A2ML1: variants seen among roughly 807,000 people sequenced by gnomAD.
The protein encoded by A2ML1 is alpha-2-macroglobulin-like protein 1.
Under a neutral mutation model 181.9 loss-of-function variants are expected in A2ML1, and 161 were observed. That is an observed-to-expected ratio of 0.89 (90% CI 0.78 to 1.01). The LOEUF (loss-of-function observed/expected upper bound fraction) is 1.01. Among genes scored for constraint, A2ML1 ranks in the 50% least tolerant of loss-of-function variants. The pLI is 0.00. For missense variants in A2ML1, 1,670 were observed against 1,768.1 expected, an observed-to-expected ratio of 0.94 and a Z score of 1.00; for synonymous variants, 663 against 666.8, an observed-to-expected ratio of 0.99 and a Z score of 0.09.
Position 8,863,826 on chromosome 12 carries a change from C to T in A2ML1, c.3535C>T (p.Pro1179Ser), listed in dbSNP as rs770473638. 6.2e-7 allele frequency: 1 copy of T among 1,614,228 alleles called. No homozygotes were observed. Among genetic ancestry groups the T allele is most frequent in the South Asian group, 1.1e-5 (1 of 91,078 alleles). Reference protein sequence around the residue: ...ESIYWSQKPTPSSNASPWSEP... With the variant: ...ESIYWSQKPTSSSNASPWSEP... The stretch of plus-strand genomic sequence containing the variant: ...CATTTACTGGAGCCAGAAACCTACT[C>T]CATCATCGAACGCCAGCCCTTGGTC... Residue 1179 changes from proline (P) to serine (S), a missense_variant, in exon 29 of 36, where the codon CCA becomes TCA. Pro to Ser is a moderately conservative substitution (Grantham distance 74). Transcript: ENST00000299698.
At chr12:8,827,532 C>T (rs893025302) in intron 3 of A2ML1, among the ~76,000 whole-genome samples, 1 of 151,922 alleles carries the variant, frequency 6.6e-6, no homozygotes, top group Non-Finnish European at 1.5e-5. Flanking sequence ...TGTTGAGTTT[C>T]CTCAAAACAG....
Position 8,852,065 on chromosome 12 carries a change from C to A in A2ML1, c.2463+53C>A. On this transcript the variant is annotated intron_variant, in intron 19 of 35. Coordinates refer to ENST00000299698, the MANE Select transcript of A2ML1 (RefSeq NM_144670.6). The surrounding 1 kb of genome is among the most constrained non-coding windows in gnomAD (Gnocchi z 4.2). The stretch of plus-strand genomic sequence containing the variant: ...TGTCAGCCCTGGAATCACACCTCCC[C>A]CATAAGTTTGTCTCTAAATTGGAAG... The A allele has an allele frequency of 6.3e-7, 1 of 1,594,596 alleles. No homozygotes were observed. Among genetic ancestry groups the A allele is most frequent in the Non-Finnish European group, 8.6e-7 (1 of 1,164,652 alleles).
intron 7 of A2ML1, 51 bp from the exon 8 acceptor site, chr12:8,837,389 G>T: frequency 6.2e-7 from 1 of 1,605,082 alleles, no homozygotes; most frequent in Non-Finnish European, 8.5e-7. Context: ...GGAAGAGTTG[G>T]ATCTCAAGTG....
rs753901578 is a variant in A2ML1 at position 8,823,917 on chromosome 12, T to C, written c.409+35T>C. The C allele has an allele frequency of 3.1e-6, 5 of 1,589,622 alleles. No homozygotes were observed. The Admixed American group carries it at 7.0e-5, about 22-fold the overall frequency. On this transcript the variant is annotated intron_variant, in intron 3 of 35. Coordinates refer to ENST00000299698, the MANE Select transcript of A2ML1 (RefSeq NM_144670.6). Reference sequence around the variant, plus strand: ...ACATATTTGGGGTTCGACTAAAACCTGGGGAAACCGCTGTGCACAGGGGTA... The same window carrying C: ...ACATATTTGGGGTTCGACTAAAACCCGGGGAAACCGCTGTGCACAGGGGTA...
rs770241678 is a variant in A2ML1 at position 8,869,200 on chromosome 12, T to A, written c.4218T>A (p.Asp1406Glu). 5.0e-5 allele frequency: 81 copies of A among 1,613,862 alleles called. No homozygotes were observed. Among genetic ancestry groups the A allele is most frequent in the Non-Finnish European group, 6.8e-5 (80 of 1,179,914 alleles). Reference protein sequence around the residue: ...FGTDTLNIYLDELIKNTQTYT... With the variant: ...FGTDTLNIYLEELIKNTQTYT... ...CTGACACACTTAACATTTACTTGGA[T>A]GAGGTAGGTATTCAGGAACCAGATC... The change falls in exon 33 of 36, where the codon GAT becomes GAA. Residue 1406 changes from aspartate to glutamate, a missense_variant. Physicochemically the swap from Asp to Glu is conservative, Grantham distance 45. Transcript: ENST00000299698.
chr12:8,858,337 C>T (rs771036774), intron 26 of A2ML1: 29 of 409,108 alleles, frequency 7.1e-5, no homozygotes, highest in Non-Finnish European at 8.9e-5. Context: ...AATCCCAGCA[C>T]TTTGGGAGGC....
Position 8,823,849 on chromosome 12 carries a change from A to G in A2ML1, c.376A>G (p.Thr126Ala), listed in dbSNP as rs1942832310. 6.2e-7 allele frequency: 1 copy of G among 1,613,640 alleles called. No individual in the cohort carries two copies. Among genetic ancestry groups the G allele is most frequent in the Admixed American group, 1.7e-5 (1 of 59,980 alleles). ...GCAGGGGAACGGCACCTTTGTACAG[A>G]CTGACAAACCTCTCTACACCCCAGG... ...QRQGNGTFVQ[T>A]DKPLYTPGQQ... Residue 126 changes from threonine (T) to alanine (A), a missense_variant, in exon 3 of 36, where the codon ACT becomes GCT. Thr to Ala is a moderately conservative substitution (Grantham distance 58). Coordinates refer to ENST00000299698, the MANE Select transcript of A2ML1 (RefSeq NM_144670.6).
chr12:8,867,233 A>G (rs947063356), intron 29 of A2ML1, among the ~76,000 whole-genome samples: 1 of 152,372 alleles, frequency 6.6e-6, no homozygotes, highest in African/African-American at 2.4e-5. Context: ...CTGAACAATT[A>G]TCCACTTGCT....
intron 3 of A2ML1, among the ~76,000 whole-genome samples, chr12:8,824,222 G>GTTTT (rs34400836): frequency 1.6e-4 from 15 of 92,306 alleles, no homozygotes; most frequent in African/African-American, 3.9e-4. Flanking sequence ...AGCTACTGGG[G>GTTTT]TTTTTTTTTT....
At chr12:8,836,114 T>A (rs1943266390) in intron 6 of A2ML1, 141 bp from the exon 7 acceptor site, 5 of 662,218 alleles carry the variant, frequency 7.6e-6, no homozygotes, top group Non-Finnish European at 1.3e-5. Flanking sequence ...AGCTAATTAC[T>A]TCAGGAACAT....
chr12:8,870,265 TTTC>T lies in A2ML1; in HGVS notation c.4221+1065_4221+1067del, dbSNP rs916532111. ...TTTATGTTGTGTGAGCCGTGTATAGTTTCTTTTTTCTTTTTTTTTTGAGACGCA... is the reference window on the plus strand; with the variant it reads ...TTTATGTTGTGTGAGCCGTGTATAGTTTTTTTCTTTTTTTTTTGAGACGCA... On this transcript the variant is annotated intron_variant, in intron 33 of 35. Coordinates refer to ENST00000299698, the MANE Select transcript of A2ML1 (RefSeq NM_144670.6). Among the ~76,000 whole-genome samples, 42 of 149,780 alleles carry T rather than the reference TTTC, an allele frequency of 2.8e-4. 1 individual carries two copies. Among genetic ancestry groups the T allele is most frequent in the Admixed American group, 2.2e-3 (34 of 15,112 alleles).
In A2ML1 at chr12:8,863,853, G is replaced by C. The variant is rs1944351429; in HGVS notation, c.3562G>C (p.Glu1188Gln). The C allele has an allele frequency of 1.9e-6, 3 of 1,614,114 alleles. No individual in the cohort carries two copies. Among genetic ancestry groups the C allele is most frequent in the Non-Finnish European group, 2.5e-6 (3 of 1,180,030 alleles). ...TPSSNASPWSEPAAVDVELTA... is the reference protein window; with the variant it reads ...TPSSNASPWSQPAAVDVELTA... ...ATCATCGAACGCCAGCCCTTGGTCT[G>C]AGCCTGCGGCTGTAGATGTGGAACT... The change falls in exon 29 of 36, where the codon GAG becomes CAG. Residue 1188 changes from glutamate to glutamine, a missense_variant. Physicochemically the swap from Glu to Gln is conservative, Grantham distance 29 (BLOSUM62 2). Coordinates refer to ENST00000299698, the MANE Select transcript of A2ML1 (RefSeq NM_144670.6).
Position 8,857,159 on chromosome 12 carries a change from C to A in A2ML1, c.2849-5C>A. The A allele has an allele frequency of 1.2e-6, 2 of 1,610,474 alleles. No homozygotes were observed. Among genetic ancestry groups the A allele is most frequent in the Non-Finnish European group, 1.7e-6 (2 of 1,178,694 alleles). ...CTACCTTCTCTCTCTCCTTTTGGAT[C>A]CCAGGAGACATTATGGGCACAGCCC... On this transcript the variant is annotated splice_region_variant and splice_polypyrimidine_tract_variant and intron_variant, in intron 23 of 35. Transcript: ENST00000299698.
At chr12:8,882,749 C>T (rs1293885385) in intron 7 of A2ML1, among the ~76,000 whole-genome samples, 1 of 152,088 alleles carries the variant, frequency 6.6e-6, no homozygotes, top group Non-Finnish European at 1.5e-5. Flanking sequence ...ATCACTTGAG[C>T]CCAGAAGTTC....
At chr12:8,828,913 C>G (rs927971659) in intron 3 of A2ML1, among the ~76,000 whole-genome samples, 1 of 152,174 alleles carries the variant, frequency 6.6e-6, no homozygotes, top group African/African-American at 2.4e-5. Flanking sequence ...GTGTGCTTTC[C>G]CCTGTGATTG....
At chr12:8,883,849 G>T (rs1413734340) in intron 7 of A2ML1, among the ~76,000 whole-genome samples, 1 of 151,042 alleles carries the variant, frequency 6.6e-6, no homozygotes, top group Non-Finnish European at 1.5e-5. Context: ...GCAGTGGCAC[G>T]ATCTTGGCTC....
intron 33 of A2ML1, among the ~76,000 whole-genome samples, chr12:8,870,676 A>G (rs1158306040): frequency 6.6e-6 from 1 of 152,212 alleles, no homozygotes; most frequent in Non-Finnish European, 1.5e-5. Flanking sequence ...GCTTTCATAC[A>G]TGACTTATTC....
At chr12:8,845,146 C>A in intron 12 of A2ML1, 1 of 1,489,014 alleles carries the variant, frequency 6.7e-7, no homozygotes, top group Non-Finnish European at 8.9e-7. Context: ...ATTTGGAGAT[C>A]TTCAAGAAAT....
At position 8,854,116 on chromosome 12, in the gene A2ML1, T is replaced by C. The variant is rs376670015; in HGVS notation, c.2591-12T>C. 1 of 1,567,664 alleles carries C rather than the reference T, an allele frequency of 6.4e-7. No individual in the cohort carries two copies. The highest frequency in any genetic ancestry group is 8.7e-7 in the Non-Finnish European group (1 of 1,154,864). On this transcript the variant is annotated splice_polypyrimidine_tract_variant and intron_variant, in intron 20 of 35. Transcript: ENST00000299698. ...CAATAGGGCTAATGGCTTCCCTTCT[T>C]CTTTCTCTCAGGTCACATTAACTTT...
Sources: allele counts gnomAD v4.1 joint callset (sites outside exome capture counted in the v4.1 genomes callset), GRCh38; gene constraint gnomAD v4.1.1; non-coding constraint Gnocchi (gnomAD v3.1); transcripts MANE v1.5; gene names NCBI Gene and HGNC (gene_info 2026-07-23, HGNC 2026-07-21).